The following HERC1 variants were observed in gnomAD, a reference collection of about 807,000 sequenced individuals.
The protein encoded by HERC1 is probable E3 ubiquitin-protein ligase HERC1.
Under a neutral mutation model 554.3 loss-of-function variants are expected in HERC1, and 160 were observed. That is an observed-to-expected ratio of 0.29 (90% confidence interval 0.25 to 0.33). The LOEUF (loss-of-function observed/expected upper bound fraction) is 0.33, where lower values mean the gene tolerates loss of function less well. Ranked by LOEUF, HERC1 falls within the 10% of genes least tolerant of loss-of-function variation. The pLI is 1.00. For missense variants in HERC1, 4,919 were observed against 5,918.5 expected, an observed-to-expected ratio of 0.83 and a Z score of 5.54; for synonymous variants, 2,175 against 2,131.7, an observed-to-expected ratio of 1.02 and a Z score of -0.56.
intron 48 of HERC1, 23 bp from the exon 49 acceptor site, chr15:63,656,381 C>T (rs1643807578): frequency 1.3e-6 from 2 of 1,593,274 alleles, no homozygotes; most frequent in Non-Finnish European, 1.7e-6. Flanking sequence ...AAAAACATCT[C>T]AGATGGATAA....
At chr15:63,720,103 C>CTTTTTTTTTTTTTTTTTTTTTTTT (rs573648232) in intron 19 of HERC1, among the ~76,000 whole-genome samples, 1,190 of 71,506 alleles carry the variant, frequency 0.017, 384 homozygotes, top group African/African-American at 0.029. Context: ...TTTTTCTTCC[C>CTTTTTTTTTTTTTTTTTTTTTTTT]TTTTTTTTTT....
intron 33 of HERC1, among the ~76,000 whole-genome samples, chr15:63,686,814 G>A (rs2071788437): frequency 6.6e-6 from 1 of 152,200 alleles, no homozygotes; most frequent in South Asian, 2.1e-4. Context: ...ACATAAAAGT[G>A]TGTCTAACCA....
intron 54 of HERC1, among the ~76,000 whole-genome samples, chr15:63,648,988 T>C (rs1595890445): frequency 6.6e-6 from 1 of 152,324 alleles, no homozygotes; most frequent in Non-Finnish European, 1.5e-5. Flanking sequence ...GACTTCCTAA[T>C]CTCTCTTGTC....
chr15:63,626,012 T>C lies in HERC1; in HGVS notation c.13248A>G (p.Arg4416=). The C allele has an allele frequency of 6.2e-7, 1 of 1,611,442 alleles. No individual in the cohort carries two copies. The highest frequency in any genetic ancestry group is 1.1e-5 in the South Asian group (1 of 90,426). ...HFSDLMYSSW[R]LLNLSPNNQN... is the part of the protein sequence containing the mutation. ...GGTTGTTGGGGCTAAGGTTCAGCAG[T>C]CTCCAGGATGAGTACATGAGGTCAG... The change falls in exon 71 of 78, where the codon AGA becomes AGG. Residue 4416 remains arginine (R), a synonymous_variant. Coordinates refer to ENST00000443617, the MANE Select transcript of HERC1 (RefSeq NM_003922.4).
chr15:63,647,358 G>A (rs1227388212), intron 55 of HERC1, among the ~76,000 whole-genome samples: 4 of 151,572 alleles, frequency 2.6e-5, no homozygotes, highest in African/African-American at 4.8e-5. Flanking sequence ...AACAGATGTC[G>A]GCAAGAAAGT....
chr15:63,661,674 G>A (rs370792299), intron 45 of HERC1, 79 bp downstream of exon 45: 15 of 1,443,094 alleles, frequency 1.0e-5, no homozygotes, highest in African/African-American at 8.4e-5. Flanking sequence ...AACTCCTCAC[G>A]TGAAAAATCT....
intron 2 of HERC1, among the ~76,000 whole-genome samples, chr15:63,766,550 G>C (rs756374258): frequency 1.2e-4 from 19 of 152,254 alleles, no homozygotes; most frequent in Non-Finnish European, 2.5e-4. Context: ...CTGCACTCCA[G>C]CCTAGGTGAC....
chr15:63,831,612 A>T (rs1484743452), intron 1 of HERC1, among the ~76,000 whole-genome samples: 5 of 152,158 alleles, frequency 3.3e-5, no homozygotes, highest in Admixed American at 3.3e-4. Context: ...TAAAAATTTT[A>T]AAAGGTCAGC....
chr15:63,728,144 C>G (rs1161049689), intron 16 of HERC1, among the ~76,000 whole-genome samples: 3 of 152,086 alleles, frequency 2.0e-5, no homozygotes, highest in African/African-American at 7.2e-5. Context: ...ATAATTTACT[C>G]AAGAAATATT....
Position 63,672,531 on chromosome 15 carries a change from G to A in HERC1, c.8010C>T (p.Ser2670=), listed in dbSNP as rs772138195. 30 of 1,605,300 alleles carry A rather than the reference G, an allele frequency of 1.9e-5. No homozygotes were observed. The highest frequency in any genetic ancestry group is 1.0e-4 in the Admixed American group (6 of 58,574). Residue 2670 remains serine, a synonymous_variant, in exon 39 of 78, where the codon TCC becomes TCT. Coordinates refer to ENST00000443617, the MANE Select transcript of HERC1 (RefSeq NM_003922.4). ...PVTDTETVPA[S]ESPGVMPLSL... is the part of the protein sequence containing the mutation. ...TAAGAGGCATCACTCCCGGGGACTCGGATGCAGGCACTGTTTCTGTGTCAG... is the reference window on the plus strand; with the variant it reads ...TAAGAGGCATCACTCCCGGGGACTCAGATGCAGGCACTGTTTCTGTGTCAG...
chr15:63,651,893 G>A lies in HERC1; in HGVS notation c.10419-513C>T, dbSNP rs561001358. ...TCTACTAATAATACAAAAATTAGCC[G>A]GGCATGGTGGCAGGCACCTGTAGTC... is the stretch of plus-strand genomic sequence containing the variant. On this transcript the variant is annotated intron_variant, in intron 52 of 77. Coordinates refer to ENST00000443617, the MANE Select transcript of HERC1 (RefSeq NM_003922.4). 1.7e-4 allele frequency among the ~76,000 whole-genome samples: 26 copies of A among 152,074 alleles called. No individual in the cohort carries two copies. The South Asian group carries it at 4.0e-3, about 23-fold the overall frequency.
At chr15:63,792,625 T>C (rs2076685553) in intron 1 of HERC1, among the ~76,000 whole-genome samples, 1 of 152,190 alleles carries the variant, frequency 6.6e-6, no homozygotes. Context: ...ATTACCTTCT[T>C]GGATGATATA....
chr15:63,789,096 TTTTTTTTTTTTTG>T (rs1327389490), intron 1 of HERC1, among the ~76,000 whole-genome samples: 1 of 122,826 alleles, frequency 8.1e-6, no homozygotes, highest in Non-Finnish European at 1.7e-5. Flanking sequence ...TTTTTTTTTT[TTTTTTTTTTTTTG>T]AGACGGAGTC....
chr15:63,735,710 C>T (rs138239424), intron 12 of HERC1, among the ~76,000 whole-genome samples: 1 of 152,106 alleles, frequency 6.6e-6, no homozygotes, highest in East Asian at 1.9e-4. Flanking sequence ...AACTCCATAG[C>T]GCCTGTCAGT....
At chr15:63,743,299 G>C (rs186300792) in intron 12 of HERC1, among the ~76,000 whole-genome samples, 426 of 112,318 alleles carry the variant, frequency 3.8e-3, no homozygotes, top group Middle Eastern at 0.01. Context: ...GTCTCACTCT[G>C]TCACCAGGCT....
intron 19 of HERC1, among the ~76,000 whole-genome samples, chr15:63,721,836 T>C (rs556885969): frequency 6.6e-6 from 1 of 152,198 alleles, no homozygotes; most frequent in African/African-American, 2.4e-5. Flanking sequence ...TTTGAAAATA[T>C]GTACATAAAA....
At chr15:63,712,493 G>A (rs2073350059) in intron 24 of HERC1, among the ~76,000 whole-genome samples, 1 of 152,190 alleles carries the variant, frequency 6.6e-6, no homozygotes, top group Non-Finnish European at 1.5e-5. Flanking sequence ...GAGTTCACTT[G>A]TAGATAGGTT....
chr15:63,807,742 T>C (rs1371795077), intron 1 of HERC1, among the ~76,000 whole-genome samples: 1 of 152,160 alleles, frequency 6.6e-6, no homozygotes, highest in East Asian at 1.9e-4. Context: ...AGGTAGGAAT[T>C]CCTACCAATT....
At position 63,638,761 on chromosome 15, in the gene HERC1, T is replaced by G; in HGVS notation, c.11917A>C (p.Ile3973Leu). 1 of 1,613,566 alleles carries G rather than the reference T, an allele frequency of 6.2e-7. No homozygotes were observed. Residue 3973 changes from isoleucine to leucine, a missense_variant, in exon 62 of 78, where the codon ATT becomes CTT. By Grantham distance (5) the Ile-to-Leu change is conservative. Coordinates refer to ENST00000443617, the MANE Select transcript of HERC1 (RefSeq NM_003922.4). ...LVFLMDNSKW[I>L]NGMDEQIMSW... is the part of the protein sequence containing the mutation. The stretch of plus-strand genomic sequence containing the variant: ...ATAATTTGTTCATCCATGCCGTTAA[T>G]CCATTTACTGTTATCCTGAAAAACA...
Sources: gnomAD v4.1 joint callset for allele counts (sites outside exome capture counted in the v4.1 genomes callset) on GRCh38, gnomAD v4.1.1 for gene constraint, MANE v1.5 for transcripts, NCBI Gene and HGNC (gene_info 2026-07-23, HGNC 2026-07-21) for gene names.